KAZALD1: variants seen among roughly 807,000 people sequenced by gnomAD.
The protein encoded by KAZALD1 is kazal-type serine protease inhibitor domain-containing protein 1.
A neutral mutation model predicts 27.7 loss-of-function variants in KAZALD1; 31 were observed. The ratio of observed to expected loss-of-function variants is 1.12; its 90% CI spans 0.84 to 1.51. The LOEUF (loss-of-function observed/expected upper bound fraction) is 1.51, where lower values mean the gene tolerates loss of function less well. KAZALD1 is among the 40% of genes most tolerant of loss of function. The probability of loss-of-function intolerance (pLI) is 0.00; values close to 1 mark genes in which losing one functional copy is unlikely to be tolerated. For synonymous variants in KAZALD1, 179 were observed against 182.0 expected, an observed-to-expected ratio of 0.98 and a Z score of 0.13; for missense variants, 444 against 408.9, an observed-to-expected ratio of 1.09 and a Z score of -0.74.
In KAZALD1 at chr10:101,062,977, C is replaced by T. The variant is rs1939206025; in HGVS notation, c.385C>T (p.Arg129Cys). 1.2e-6 allele frequency: 2 copies of T among 1,601,332 alleles called. No homozygotes were observed. Among genetic ancestry groups the T allele is most frequent in the African/African-American group, 1.3e-5 (1 of 74,926 alleles). ...GGTGCCGGAACCTCTGTGTGCCTGT[C>T]GTTCGCAGAGTCCGCTCTGCGGGTC... is the stretch of plus-strand genomic sequence containing the variant. ...GEVPEPLCAC[R>C]SQSPLCGSDG... Residue 129 changes from arginine (R) to cysteine (C), a missense_variant, in exon 2 of 5, where the codon CGT (arginine) becomes TGT (cysteine). By Grantham distance (180) the Arg-to-Cys change is radical. Transcript: ENST00000370200.
At chr10:101,064,773 C>T in intron 4 of KAZALD1, 53 bp from the exon 5 acceptor site, 1 of 1,599,420 alleles carries the variant, frequency 6.3e-7, no homozygotes, top group Non-Finnish European at 8.6e-7. Context: ...GCTATGTGGG[C>T]ACCGACAGCC....
At position 101,066,900 on chromosome 10, in the gene KAZALD1, T is replaced by C; in HGVS notation, c.*1980T>C. ...CTGGTTCAAGCACCACAGCCTGGAA[T>C]GGGAGAACTGTTGTCCACCGCCCCC... On this transcript the variant is annotated 3_prime_UTR_variant, in exon 5 of 5. Transcript: ENST00000370200. 3.2e-6 allele frequency: 1 copy of C among 316,548 alleles called. No individual in the cohort carries two copies. The highest frequency in any genetic ancestry group is 6.2e-6 in the Non-Finnish European group (1 of 162,334). The allele number at this position is 316,548 out of a possible 1,614,324, so 19.6% of individuals were successfully genotyped here.
intron 1 of KAZALD1, 24 bp from the exon 2 acceptor site, chr10:101,062,518 T>C (rs1008799328): frequency 1.3e-6 from 2 of 1,529,356 alleles, no homozygotes; most frequent in Non-Finnish European, 1.7e-6. Flanking sequence ...TCTGACCTCC[T>C]GACCTGGCTT....
At position 101,066,116 on chromosome 10, in the gene KAZALD1, C is replaced by A. The variant is rs1939311790; in HGVS notation, c.*1196C>A. 6.6e-6 allele frequency among the ~76,000 whole-genome samples: 1 copy of A among 152,236 alleles called. No individual in the cohort carries two copies. The highest frequency in any genetic ancestry group is 2.1e-4 in the South Asian group (1 of 4,836). On this transcript the variant is annotated 3_prime_UTR_variant, in exon 5 of 5. Coordinates refer to ENST00000370200, the MANE Select transcript of KAZALD1 (RefSeq NM_030929.5). Reference sequence around the variant, plus strand: ...ATTCTCCTTACCTATCCCAGGGACACTGGTGAGACTCAATGTTTATTTAAT... The same window carrying A: ...ATTCTCCTTACCTATCCCAGGGACAATGGTGAGACTCAATGTTTATTTAAT...
rs1283434422 is a variant in KAZALD1, at chr10:101,065,679, G to A, written c.*759G>A. On this transcript the variant is annotated 3_prime_UTR_variant, in exon 5 of 5. Coordinates refer to ENST00000370200, the MANE Select transcript of KAZALD1 (RefSeq NM_030929.5). ...AACTCTGGCTTCCAGAAGCTGCAGG[G>A]CCTGCTCTCTAAGCACATGCCTGCC... is the stretch of plus-strand genomic sequence containing the variant. 1 of 152,308 alleles carries A rather than the reference G, an allele frequency of 6.6e-6. No homozygotes were observed. The highest frequency in any genetic ancestry group is 2.4e-5 in the African/African-American group (1 of 41,448). The allele number at this position is 152,308 out of a possible 1,614,324, so 9.4% of individuals were successfully genotyped here.
rs756597269 is a variant in KAZALD1, at chr10:101,066,381, G to T, written c.*1461G>T. ...GCTTGGCCGCCCCTCCCGCGGCTAC[G>T]CACTACTCCATCTACTGCTGGCTTG... is the stretch of plus-strand genomic sequence containing the variant. On this transcript the variant is annotated 3_prime_UTR_variant, in exon 5 of 5. Coordinates refer to ENST00000370200, the MANE Select transcript of KAZALD1 (RefSeq NM_030929.5). The T allele has an allele frequency of 1.3e-5, 6 of 456,652 alleles. No individual in the cohort carries two copies. Among genetic ancestry groups the T allele is most frequent in the South Asian group, 9.3e-5 (6 of 64,536 alleles). The allele number at this position is 456,652 out of a possible 1,614,324, so 28.3% of individuals were successfully genotyped here. A position where few individuals can be genotyped will look rare whatever the true frequency, so the allele number is the denominator to read the frequency against.
In KAZALD1 at chr10:101,067,012, G is replaced by A. The variant is rs1031336396; in HGVS notation, c.*2092G>A. On this transcript the variant is annotated 3_prime_UTR_variant, in exon 5 of 5. Coordinates refer to ENST00000370200, the MANE Select transcript of KAZALD1 (RefSeq NM_030929.5). Reference sequence around the variant, plus strand: ...ACACGCGATTTATTATTAAAGTAATGCGGGCGCAGGGACGGGAAAGGTTTA... The same window carrying A: ...ACACGCGATTTATTATTAAAGTAATACGGGCGCAGGGACGGGAAAGGTTTA... 15 of 317,298 alleles carry A rather than the reference G, an allele frequency of 4.7e-5. No homozygotes were observed. Among genetic ancestry groups the A allele is most frequent in the Admixed American group, 9.1e-5 (2 of 22,022 alleles). The allele number at this position is 317,298 out of a possible 1,614,324, so 19.7% of individuals were successfully genotyped here. A position where few individuals can be genotyped will look rare whatever the true frequency, so the allele number is the denominator to read the frequency against.
At position 101,062,651 on chromosome 10, in the gene KAZALD1, T is replaced by A; in HGVS notation, c.59T>A (p.Leu20Gln). 1 of 1,564,222 alleles carries A rather than the reference T, an allele frequency of 6.4e-7. No homozygotes were observed. Among genetic ancestry groups the A allele is most frequent in the South Asian group, 1.1e-5 (1 of 87,562 alleles). ...ALALPVLLLLLVVLTPPPTGA... is the reference protein window; with the variant it reads ...ALALPVLLLLQVVLTPPPTGA... ...GCGCTGCCTGTGCTCCTGCTACTGC[T>A]GGTGGTGCTGACGCCGCCCCCGACC... The change falls in exon 2 of 5, where the codon CTG becomes CAG. Residue 20 changes from leucine (L) to glutamine (Q), a missense_variant. Leu to Gln is a moderately radical substitution (Grantham distance 113). Coordinates refer to ENST00000370200, the MANE Select transcript of KAZALD1 (RefSeq NM_030929.5).
In KAZALD1 at chr10:101,062,687, C is replaced by T. The variant is rs553442667; in HGVS notation, c.95C>T (p.Pro32Leu). 3 of 1,541,620 alleles carry T rather than the reference C, an allele frequency of 1.9e-6. No individual in the cohort carries two copies. The Admixed American group carries it at 5.7e-5, about 30-fold the overall frequency. The change falls in exon 2 of 5, where the codon CCA becomes CTA. Residue 32 changes from proline (P) to leucine (L), a missense_variant. Transcript: ENST00000370200. ...ACGCCGCCCCCGACCGGCGCAAGGC[C>T]ATCCCCAGGCCCAGATTACCTGCGG... ...VLTPPPTGAR[P>L]SPGPDYLRRG...
In KAZALD1 at chr10:101,062,868, G is replaced by C; in HGVS notation, c.276G>C (p.Leu92=). 6.2e-7 allele frequency: 1 copy of C among 1,601,756 alleles called. No homozygotes were observed. The highest frequency in any genetic ancestry group is 8.5e-7 in the Non-Finnish European group (1 of 1,179,066). The change falls in exon 2 of 5, where the codon CTG becomes CTC. Residue 92 remains leucine (L), a synonymous_variant. Transcript: ENST00000370200. ...CANLEGQLCD[L]DPSAHFYGHC... ...ACCTCGAGGGCCAGCTCTGCGACCTGGACCCCAGTGCTCACTTCTACGGGC... is the reference window on the plus strand; with the variant it reads ...ACCTCGAGGGCCAGCTCTGCGACCTCGACCCCAGTGCTCACTTCTACGGGC...
chr10:101,062,612 C>G lies in KAZALD1; in HGVS notation c.20C>G (p.Pro7Arg). The part of the protein sequence containing the change: MLPPPR[P>R]AAALALPVLL... ...CTAACCATGCTGCCGCCGCCGCGGC[C>G]CGCAGCTGCCTTGGCGCTGCCTGTG... The change falls in exon 2 of 5, where the codon CCC (proline) becomes CGC (arginine). Residue 7 changes from proline to arginine, a missense_variant. Coordinates refer to ENST00000370200, the MANE Select transcript of KAZALD1 (RefSeq NM_030929.5). The G allele has an allele frequency of 6.3e-7, 1 of 1,582,274 alleles. No homozygotes were observed. Among genetic ancestry groups the G allele is most frequent in the Non-Finnish European group, 8.5e-7 (1 of 1,173,106 alleles).
chr10:101,064,521 G>T lies in KAZALD1; in HGVS notation c.693G>T (p.Arg231Ser), dbSNP rs768522227. ...ISVQFRGGPQ[R>S]FEVTGWLQIQ... is the part of the protein sequence containing the mutation. ...TCCAGTTTAGGGGTGGACCCCAGAG[G>T]TTTGAGGTGACTGGCTGGCTGCAGA... is the stretch of plus-strand genomic sequence containing the variant. The change falls in exon 4 of 5, where the codon AGG becomes AGT. Residue 231 changes from arginine (R) to serine (S), a missense_variant. Physicochemically the swap from Arg to Ser is moderately radical, Grantham distance 110. Coordinates refer to ENST00000370200, the MANE Select transcript of KAZALD1 (RefSeq NM_030929.5). The T allele has an allele frequency of 1.2e-6, 2 of 1,614,078 alleles. No homozygotes were observed. Among genetic ancestry groups the T allele is most frequent in the Admixed American group, 1.7e-5 (1 of 60,014 alleles).
At chr10:101,067,821 G>A (rs954640401), downstream of KAZALD1, 2 of 423,156 alleles carry the variant, frequency 4.7e-6, no homozygotes, top group African/African-American at 4.2e-5. Flanking sequence ...CTGGAAGCCC[G>A]AGAGATGAAC....
chr10:101,067,633 G>A, downstream of KAZALD1: 1 of 335,954 alleles, frequency 3.0e-6, no homozygotes, highest in Non-Finnish European at 5.9e-6. Context: ...GAGGAGGGCC[G>A]CTTCGCCCGG....
intron 2 of KAZALD1, 160 bp from the exon 3 acceptor site, chr10:101,064,101 A>T: frequency 1.4e-6 from 1 of 698,954 alleles, no homozygotes; most frequent in Non-Finnish European, 2.4e-6. Flanking sequence ...ATCTGTGTGT[A>T]CCTGTGTGTG....
intron 2 of KAZALD1, 199 bp from the exon 3 acceptor site, chr10:101,064,062 G>T: frequency 3.3e-6 from 2 of 615,140 alleles, no homozygotes; most frequent in Non-Finnish European, 2.9e-6. Flanking sequence ...CCACGTCTGC[G>T]TGGTACCCTT....
At chr10:101,064,749 CT>C in intron 4 of KAZALD1, 76 bp from the exon 5 acceptor site, 1 of 1,599,778 alleles carries the variant, frequency 6.3e-7, no homozygotes, top group Non-Finnish European at 8.6e-7. Flanking sequence ...CAAGCATAGC[CT>C]TCCGCAGACT....
chr10:101,063,937 A>T (rs1239081416), intron 2 of KAZALD1, among the ~76,000 whole-genome samples: 5 of 152,214 alleles, frequency 3.3e-5, no homozygotes, highest in Admixed American at 3.3e-4. Flanking sequence ...TGAAATGAGG[A>T]CAGGGGAGCA....
Position 101,063,034 on chromosome 10 carries a change from C to G in KAZALD1, c.442C>G (p.Leu148Val). The change falls in exon 2 of 5, where the codon CTG (leucine) becomes GTG (valine). Residue 148 changes from leucine (L) to valine (V), a missense_variant. Leu to Val is a conservative substitution (Grantham distance 32). Transcript: ENST00000370200. Reference protein sequence around the residue: ...DGHTYSQICRLQEAARARPDA... With the variant: ...DGHTYSQICRVQEAARARPDA... ...TCACACCTACTCCCAGATCTGCCGC[C>G]TGCAGGAGGCGGCCCGCGCTCGGCC... The G allele has an allele frequency of 6.3e-7, 1 of 1,586,982 alleles. No individual in the cohort carries two copies. Among genetic ancestry groups the G allele is most frequent in the Admixed American group, 1.7e-5 (1 of 59,364 alleles).
Sources: gnomAD v4.1 joint callset for allele counts (sites outside exome capture counted in the v4.1 genomes callset) on GRCh38, gnomAD v4.1.1 for gene constraint, MANE v1.5 for transcripts, NCBI Gene and HGNC (gene_info 2026-07-23, HGNC 2026-07-21) for gene names.